TMEM178B: variants seen among roughly 807,000 people sequenced by gnomAD.
TMEM178B encodes transmembrane protein 178B.
TMEM178B carries 5 observed loss-of-function variants against 31.0 expected under a neutral mutation model. The ratio of observed to expected loss-of-function variants is 0.16; its 90% CI spans 0.08 to 0.34. The LOEUF (loss-of-function observed/expected upper bound fraction) is 0.34, where lower values mean the gene tolerates loss of function less well. Ranked by LOEUF, TMEM178B falls within the 10% of genes least tolerant of loss-of-function variation. The pLI, the probability that TMEM178B is intolerant of heterozygous loss-of-function variation, is 1.00. For synonymous variants in TMEM178B, 164 were observed against 164.0 expected, an observed-to-expected ratio of 1.00 and a Z score of 0.00; for missense variants, 275 against 400.3, an observed-to-expected ratio of 0.69 and a Z score of 2.67.
At chr7:141,199,944 G>T (rs1252973652) in intron 1 of TMEM178B, among the ~76,000 whole-genome samples, 1 of 151,740 alleles carries the variant, frequency 6.6e-6, no homozygotes, top group Non-Finnish European at 1.5e-5. Flanking sequence ...CCAGCTACTT[G>T]GGAGGCTGAG....
intron 2 of TMEM178B, among the ~76,000 whole-genome samples, chr7:141,321,603 G>T (rs574856726): frequency 6.6e-6 from 1 of 152,076 alleles, no homozygotes; most frequent in Non-Finnish European, 1.5e-5. Context: ...GGGCTCAACC[G>T]TGGCTCCGTT....
At chr7:141,456,061 C>T (rs911324413) in intron 3 of TMEM178B, among the ~76,000 whole-genome samples, 2 of 152,242 alleles carry the variant, frequency 1.3e-5, no homozygotes, top group Non-Finnish European at 2.9e-5. Flanking sequence ...AGCTGAGCCT[C>T]ATATGCACAT....
chr7:141,467,749 T>C (rs1463869405), intron 3 of TMEM178B, among the ~76,000 whole-genome samples: 1 of 152,190 alleles, frequency 6.6e-6, no homozygotes, highest in African/African-American at 2.4e-5. Context: ...CGCTCCTCAA[T>C]GCGCCCTCAC....
chr7:141,397,737 T>A (rs1309910131), intron 2 of TMEM178B, among the ~76,000 whole-genome samples: 1 of 152,230 alleles, frequency 6.6e-6, no homozygotes, highest in Non-Finnish European at 1.5e-5. Context: ...TTGGCTAATA[T>A]AGAATTTAAT....
At chr7:141,231,720 G>A (rs773966182) in intron 2 of TMEM178B, among the ~76,000 whole-genome samples, 49 of 152,180 alleles carry the variant, frequency 3.2e-4, no homozygotes, top group Non-Finnish European at 4.4e-4. Flanking sequence ...GTTCTCCCAC[G>A]GTCAACTAGC....
In TMEM178B at chr7:141,470,597, C is replaced by T. The variant is rs772505674; in HGVS notation, c.696C>T (p.Arg232=). 5.9e-6 allele frequency: 9 copies of T among 1,535,282 alleles called. No individual in the cohort carries two copies. Among genetic ancestry groups the T allele is most frequent in the Non-Finnish European group, 7.8e-6 (9 of 1,146,634 alleles). The change falls in exon 4 of 4, where the codon CGC becomes CGT. Residue 232 remains arginine, a synonymous_variant. Coordinates refer to ENST00000565468, the MANE Select transcript of TMEM178B (RefSeq NM_001195278.2). ...CVAGINFELS[R]YPRYLYGLPD... ...CCGGGATCAACTTTGAGCTGTCACG[C>T]TACCCACGCTACCTGTACGGACTCC...
Position 141,116,054 on chromosome 7 carries a change from G to C in TMEM178B, c.382+41362G>C, listed in dbSNP as rs115367097. ...ATTGCTCTTGGCAAATGAGTATGGC[G>C]CTGGCAGCTTCAGCTCCGAGTTCAG... On this transcript the variant is annotated intron_variant, in intron 1 of 3. Transcript: ENST00000565468. Among the ~76,000 whole-genome samples, 2 of 152,124 alleles carry C rather than the reference G, an allele frequency of 1.3e-5. 1 individual carries two copies. The highest frequency in any genetic ancestry group is 4.2e-4 in the South Asian group (2 of 4,816).
intron 2 of TMEM178B, chr7:141,429,879 C>G (rs939664052): frequency 3.3e-5 from 5 of 152,312 alleles, no homozygotes; most frequent in East Asian, 3.9e-4. Flanking sequence ...CCAACTTACA[C>G]CCTAGAAGAA....
At chr7:141,099,856 G>A (rs1463798262) in intron 1 of TMEM178B, among the ~76,000 whole-genome samples, 1 of 143,852 alleles carries the variant, frequency 7.0e-6, no homozygotes, top group Admixed American at 7.2e-5. Flanking sequence ...TTGAGACAGA[G>A]TCTGGCTTTG....
chr7:141,411,263 G>T (rs902051367), intron 2 of TMEM178B, among the ~76,000 whole-genome samples: 2 of 152,142 alleles, frequency 1.3e-5, no homozygotes, highest in Non-Finnish European at 2.9e-5. Flanking sequence ...GAGGCTAGGG[G>T]TTGAGGAGAA....
chr7:141,247,905 A>T (rs1450184483), intron 2 of TMEM178B, among the ~76,000 whole-genome samples: 1 of 152,080 alleles, frequency 6.6e-6, no homozygotes, highest in Non-Finnish European at 1.5e-5. Context: ...GGCAACCTTA[A>T]TTAATTGGGG....
At chr7:141,152,788 C>G (rs1294617858) in intron 1 of TMEM178B, among the ~76,000 whole-genome samples, 1 of 152,192 alleles carries the variant, frequency 6.6e-6, no homozygotes, top group Non-Finnish European at 1.5e-5. Flanking sequence ...AGGCCAAGGC[C>G]AAATCTCAAA....
chr7:141,495,414 G>T, the TMEM178B span, among the ~76,000 whole-genome samples: 2 of 152,128 alleles, frequency 1.3e-5, no homozygotes, highest in Admixed American at 1.3e-4. Flanking sequence ...AATAGCAAAA[G>T]ACATTTTTAG....
the TMEM178B span, among the ~76,000 whole-genome samples, chr7:141,510,709 A>AAAAAAAGAAAG: frequency 8.2e-5 from 11 of 134,954 alleles, 1 homozygote; most frequent in African/African-American, 3.8e-4. Flanking sequence ...AAAAAAAAAA[A>AAAAAAAGAAAG]AAAGAAAAAA....
chr7:141,232,812 G>A (rs1797468639), intron 2 of TMEM178B, among the ~76,000 whole-genome samples: 1 of 152,126 alleles, frequency 6.6e-6, no homozygotes, highest in African/African-American at 2.4e-5. Flanking sequence ...TGTCCCATTA[G>A]GAGCCCTGAG....
chr7:141,426,222 T>C (rs1247761383), intron 2 of TMEM178B, among the ~76,000 whole-genome samples: 1 of 152,206 alleles, frequency 6.6e-6, no homozygotes, highest in East Asian at 1.9e-4. Context: ...GTTTTAGCAA[T>C]TGTTGCAGAG....
At chr7:141,268,875 A>G (rs1798134829) in intron 2 of TMEM178B, among the ~76,000 whole-genome samples, 1 of 152,184 alleles carries the variant, frequency 6.6e-6, no homozygotes, top group Non-Finnish European at 1.5e-5. Flanking sequence ...AAGAGCAATA[A>G]CACCTGCCTA....
intron 2 of TMEM178B, among the ~76,000 whole-genome samples, chr7:141,356,193 T>A (rs1799815521): frequency 6.6e-6 from 1 of 152,202 alleles, no homozygotes; most frequent in Non-Finnish European, 1.5e-5. Context: ...AATGCATGTA[T>A]TTTTTTGTAG....
chr7:141,456,405 C>G (rs1400588651), intron 3 of TMEM178B, among the ~76,000 whole-genome samples: 1 of 152,084 alleles, frequency 6.6e-6, no homozygotes, highest in African/African-American at 2.4e-5. Context: ...AAAACCACAC[C>G]CTTGTATGTT....
Sources: allele counts gnomAD v4.1 joint callset (sites outside exome capture counted in the v4.1 genomes callset), GRCh38; gene constraint gnomAD v4.1.1; transcripts MANE v1.5; gene names NCBI Gene and HGNC (gene_info 2026-07-23, HGNC 2026-07-21).